The following NTNG1 variants were observed in gnomAD, a reference collection of about 807,000 sequenced individuals.
The protein encoded by NTNG1 is netrin G1, also known as netrin-G1.
Under a neutral mutation model 54.0 loss-of-function variants are expected in NTNG1, and 16 were observed. The observed-to-expected ratio is 0.30, with a 90% CI of 0.20 to 0.45. The LOEUF (loss-of-function observed/expected upper bound fraction) is 0.45, where lower values mean the gene tolerates loss of function less well. Among genes scored for constraint, NTNG1 ranks in the 20% least tolerant of loss-of-function variants. The pLI, the probability that NTNG1 is intolerant of heterozygous loss-of-function variation, is 1.00. For missense variants in NTNG1, 530 were observed against 678.7 expected, an observed-to-expected ratio of 0.78 and a Z score of 2.43; for synonymous variants, 255 against 263.1, an observed-to-expected ratio of 0.97 and a Z score of 0.30.
At chr1:107,314,892 G>A (rs1249243263) in intron 2 of NTNG1, among the ~76,000 whole-genome samples, 1 of 152,206 alleles carries the variant, frequency 6.6e-6, no homozygotes, top group Non-Finnish European at 1.5e-5. Flanking sequence ...TGTAAACAAA[G>A]TGAATAACAA....
intron 7 of NTNG1, among the ~76,000 whole-genome samples, chr1:107,447,582 C>A (rs920689862): frequency 6.6e-6 from 1 of 152,006 alleles, no homozygotes. Context: ...AATCAGGCCT[C>A]GAAATTTCTG....
At chr1:107,395,883 C>G (rs10881465) in intron 4 of NTNG1, among the ~76,000 whole-genome samples, 66,957 of 151,948 alleles carry the variant, frequency 0.44, 15,622 homozygotes, top group Non-Finnish European at 0.52. Flanking sequence ...TAGAGGCCCC[C>G]TTTGGATAAA....
chr1:107,445,803 G>A (rs970090597), intron 7 of NTNG1, among the ~76,000 whole-genome samples: 7 of 152,060 alleles, frequency 4.6e-5, no homozygotes, highest in East Asian at 3.9e-4. Flanking sequence ...CATAGACAAC[G>A]CTTAAATGAA....
chr1:107,253,346 A>G (rs1212831660), intron 2 of NTNG1, among the ~76,000 whole-genome samples: 1 of 152,254 alleles, frequency 6.6e-6, no homozygotes, highest in African/African-American at 2.4e-5. Context: ...AAGTTCAATG[A>G]TAAGAGTTAG....
intron 2 of NTNG1, among the ~76,000 whole-genome samples, chr1:107,303,361 G>T (rs1318305568): frequency 1.4e-4 from 22 of 152,142 alleles, no homozygotes; most frequent in Non-Finnish European, 4.4e-5. Context: ...AGGAATAAAA[G>T]AGACATTTAT....
intron 2 of NTNG1, among the ~76,000 whole-genome samples, chr1:107,169,239 G>T (rs77100740): frequency 6.6e-6 from 1 of 152,078 alleles, no homozygotes; most frequent in African/African-American, 2.4e-5. Flanking sequence ...AAGGAAATTT[G>T]GAGAATTACT....
intron 2 of NTNG1, among the ~76,000 whole-genome samples, chr1:107,171,898 T>C (rs1319503803): frequency 1.2e-4 from 1 of 8,308 alleles, no homozygotes; most frequent in African/African-American, 2.1e-4. Flanking sequence ...TTTTTCCCCT[T>C]TTTTTTTGTT....
At chr1:107,207,376 G>T (rs1659274347) in intron 2 of NTNG1, among the ~76,000 whole-genome samples, 1 of 152,144 alleles carries the variant, frequency 6.6e-6, no homozygotes, top group Admixed American at 6.5e-5. Flanking sequence ...CTGAAAAAAT[G>T]ACTTTCAGAC....
At position 107,425,327 on chromosome 1, in the gene NTNG1, A is replaced by G. The variant is rs573241206; in HGVS notation, c.1088-5423A>G. ...GTAATTACCAGTAGGTAATTTTTCA[A>G]CCCTCAAACATCCCCCATTTTAGAG... On this transcript the variant is annotated intron_variant, in intron 5 of 7. Transcript: ENST00000370068. 2.3e-4 allele frequency among the ~76,000 whole-genome samples: 35 copies of G among 152,110 alleles called. 1 individual carries two copies. In the Middle Eastern group the frequency reaches 0.01, roughly 44 times the overall value.
intron 2 of NTNG1, among the ~76,000 whole-genome samples, chr1:107,292,370 T>C (rs1016631833): frequency 4.6e-5 from 7 of 151,970 alleles, no homozygotes; most frequent in African/African-American, 1.7e-4. Context: ...GAGCAGGAAA[T>C]GTTACAGTAG....
intron 7 of NTNG1, among the ~76,000 whole-genome samples, chr1:107,468,964 C>T (rs554003538): frequency 2.7e-4 from 41 of 151,978 alleles, no homozygotes; most frequent in South Asian, 1.7e-3. Flanking sequence ...GGAGTGGTGG[C>T]GCGCGCCTAT....
At chr1:107,452,746 A>C (rs921902136) in intron 7 of NTNG1, among the ~76,000 whole-genome samples, 3 of 152,140 alleles carry the variant, frequency 2.0e-5, no homozygotes, top group African/African-American at 7.2e-5. Flanking sequence ...ATGAAGCAGG[A>C]ATACCTTTTC....
chr1:107,464,976 C>A (rs1462598138), intron 7 of NTNG1, among the ~76,000 whole-genome samples: 2 of 152,166 alleles, frequency 1.3e-5, no homozygotes, highest in African/African-American at 2.4e-5. Context: ...GGCCCAACCC[C>A]ACATTCCCCC....
intron 2 of NTNG1, among the ~76,000 whole-genome samples, chr1:107,301,680 T>C (rs1361638992): frequency 6.6e-6 from 1 of 152,222 alleles, no homozygotes; most frequent in Non-Finnish European, 1.5e-5. Context: ...ACTACTTTGT[T>C]CCTTCTTCTT....
rs138925305 is a variant in NTNG1 at position 107,255,997 on chromosome 1, T to C, written c.247-68285T>C. Among the ~76,000 whole-genome samples the C allele has an allele frequency of 5.4e-4, 82 of 152,368 alleles. No individual in the cohort carries two copies. In the East Asian group the frequency reaches 0.012, roughly 21 times the overall value. ...ACTGGGCTGTTCATAAGCTATTGTC[T>C]TAATTGTAAAAGCAACAAATTCAGT... is the stretch of plus-strand genomic sequence containing the variant. On this transcript the variant is annotated intron_variant, in intron 2 of 7. Transcript: ENST00000370068.
intron 5 of NTNG1, among the ~76,000 whole-genome samples, chr1:107,424,987 G>A (rs1287033221): frequency 1.3e-5 from 2 of 152,052 alleles, no homozygotes; most frequent in Admixed American, 1.3e-4. Flanking sequence ...AAAAAGCAAT[G>A]ATGGGTAAGG....
intron 2 of NTNG1, among the ~76,000 whole-genome samples, chr1:107,281,193 G>T (rs1664837191): frequency 6.6e-6 from 1 of 151,814 alleles, no homozygotes. Flanking sequence ...TATCTTTGTT[G>T]TTATATGTCT....
intron 2 of NTNG1, among the ~76,000 whole-genome samples, chr1:107,199,151 C>T (rs1429796931): frequency 6.6e-6 from 1 of 151,694 alleles, no homozygotes; most frequent in Admixed American, 6.6e-5. Flanking sequence ...AGGCCAAGGT[C>T]TTCTTAATAA....
intron 2 of NTNG1, among the ~76,000 whole-genome samples, chr1:107,165,593 C>A (rs1168536947): frequency 1.3e-5 from 2 of 152,142 alleles, no homozygotes; most frequent in Admixed American, 6.6e-5. Flanking sequence ...AGAAATGAAC[C>A]TGTGTTCTCT....
Sources: gnomAD v4.1 joint callset for allele counts (sites outside exome capture counted in the v4.1 genomes callset) on GRCh38, gnomAD v4.1.1 for gene constraint, MANE v1.5 for transcripts, NCBI Gene and HGNC (gene_info 2026-07-23, HGNC 2026-07-21) for gene names.